The following APLP2 variants were observed in gnomAD, a reference collection of about 807,000 sequenced individuals.
The protein encoded by APLP2 is amyloid beta precursor like protein 2.
A neutral mutation model predicts 89.9 loss-of-function variants in APLP2; 53 were observed. That is an observed-to-expected ratio of 0.59 (90% CI 0.47 to 0.74). APLP2 has a LOEUF of 0.74. Among genes scored for constraint, APLP2 ranks in the 30% least tolerant of loss-of-function variants. The pLI, the probability that APLP2 is intolerant of heterozygous loss-of-function variation, is 0.00. For missense variants in APLP2, 973 were observed against 975.9 expected (o/e 1.00, Z 0.04); for synonymous variants, 372 against 348.6 (o/e 1.07, Z -0.75).
chr11:130,070,559 G>T, intron 1 of APLP2: 1 of 1,290,384 alleles, frequency 7.7e-7, no homozygotes, highest in East Asian at 3.2e-5. Context: ...GCGAGCGGCG[G>T]GCTTCGCCTT....
chr11:130,072,112 C>G (rs1269070178), intron 1 of APLP2, among the ~76,000 whole-genome samples: 1 of 152,156 alleles, frequency 6.6e-6, no homozygotes, highest in Non-Finnish European at 1.5e-5. Context: ...TAATCTCTTA[C>G]ACCTGTTTAA....
intron 16 of APLP2, 50 bp from the exon 17 acceptor site, chr11:130,143,297 G>A: frequency 6.6e-7 from 1 of 1,523,458 alleles, no homozygotes; most frequent in Non-Finnish European, 9.1e-7. Context: ...AGCACCCTGT[G>A]CAGGTCTCTT....
intron 1 of APLP2, among the ~76,000 whole-genome samples, chr11:130,088,712 T>G (rs1651927602): frequency 6.6e-6 from 1 of 152,054 alleles, no homozygotes; most frequent in South Asian, 2.1e-4. Context: ...GTTAAAAACT[T>G]AAGTATCTCA....
chr11:130,131,211 G>T (rs189678200), intron 11 of APLP2, among the ~76,000 whole-genome samples: 1 of 152,156 alleles, frequency 6.6e-6, no homozygotes, highest in Admixed American at 6.5e-5. Flanking sequence ...TGATTCTCTT[G>T]CTTCAGCCTC....
rs559693436 is a variant in APLP2 at position 130,109,686 on chromosome 11, A to G, written c.279+84A>G. 4.2e-6 allele frequency: 6 copies of G among 1,441,848 alleles called. No homozygotes were observed. The South Asian group carries it at 8.4e-5, about 20-fold the overall frequency. The allele number at this position is 1,441,848 out of a possible 1,614,324, so 89.3% of individuals were successfully genotyped here. On this transcript the variant is annotated intron_variant, in intron 2 of 16. Coordinates refer to ENST00000338167, the MANE Select transcript of APLP2 (RefSeq NM_001142276.2). The stretch of plus-strand genomic sequence containing the variant: ...TTACCTTAGAAATAGATATTCTGTC[A>G]TTCTCTTTTGACCTAAGACCAAGAT...
intron 1 of APLP2, among the ~76,000 whole-genome samples, chr11:130,078,201 A>C (rs1020189595): frequency 6.9e-6 from 1 of 145,112 alleles, no homozygotes; most frequent in East Asian, 2.0e-4. Flanking sequence ...AAGTGGAATC[A>C]TTCCGTATAT....
At chr11:130,124,526 A>C (rs1950172684) in intron 7 of APLP2, among the ~76,000 whole-genome samples, 1 of 152,108 alleles carries the variant, frequency 6.6e-6, no homozygotes, top group South Asian at 2.1e-4. Context: ...TCTCGTTAAG[A>C]CCTTCAGTCT....
At chr11:130,099,361 C>T (rs538120237) in intron 1 of APLP2, among the ~76,000 whole-genome samples, 4 of 152,272 alleles carry the variant, frequency 2.6e-5, no homozygotes, top group African/African-American at 9.6e-5. Context: ...GAGTAGCACC[C>T]TATTTATGTT....
intron 11 of APLP2, among the ~76,000 whole-genome samples, chr11:130,130,909 T>G (rs1461973013): frequency 6.6e-6 from 1 of 152,130 alleles, no homozygotes; most frequent in African/African-American, 2.4e-5. Flanking sequence ...GATGAAAAGG[T>G]AATGTGCCTA....
intron 9 of APLP2, among the ~76,000 whole-genome samples, chr11:130,128,176 C>G (rs1950579398): frequency 6.6e-6 from 1 of 152,072 alleles, no homozygotes; most frequent in Non-Finnish European, 1.5e-5. Flanking sequence ...TTTTTTAAGA[C>G]TAATTGAAAG....
In APLP2 at chr11:130,110,593, T is replaced by C. The variant is rs1948424366; in HGVS notation, c.335T>C (p.Ile112Thr). ...NVMEANQRVS[I>T]DNWCRRDKKQ... is the part of the protein sequence containing the mutation. ...ATGGAGGCAAACCAGCGGGTTAGTA[T>C]TGACAACTGGTGCCGGAGGGACAAA... The change falls in exon 3 of 17, where the codon ATT becomes ACT. Residue 112 changes from isoleucine (I) to threonine (T), a missense_variant. Transcript: ENST00000338167. The C allele has an allele frequency of 6.2e-7, 1 of 1,613,878 alleles. No homozygotes were observed. The highest frequency in any genetic ancestry group is 8.5e-7 in the Non-Finnish European group (1 of 1,180,006).
In APLP2 at chr11:130,141,685, C is replaced by T. The variant is rs1952414034; in HGVS notation, c.1998+113C>T. 5.9e-6 allele frequency: 6 copies of T among 1,008,728 alleles called. No homozygotes were observed. The highest frequency in any genetic ancestry group is 7.4e-6 in the Non-Finnish European group (5 of 677,504). 62.5% of individuals were successfully genotyped at this position (1,008,728 alleles called of 1,614,324 possible). ...GAGATGCCTGAGCTAATAAGGGTCC[C>T]TCATCCCCAGCTTTCCGTACTTTTG... On this transcript the variant is annotated intron_variant, in intron 15 of 16. Transcript: ENST00000338167. This position sits in a 1 kb window ranked among gnomAD's most constrained non-coding sequence, Gnocchi z 4.2.
intron 2 of APLP2, 68 bp downstream of exon 2, chr11:130,109,670 A>C (rs1948292790): frequency 6.7e-6 from 10 of 1,487,074 alleles, no homozygotes; most frequent in Non-Finnish European, 9.1e-6. Flanking sequence ...TTTACCTTAG[A>C]AATAGATATT....
intron 1 of APLP2, among the ~76,000 whole-genome samples, chr11:130,094,119 T>C (rs1945866984): frequency 6.8e-6 from 1 of 146,794 alleles, no homozygotes; most frequent in Admixed American, 7.0e-5. Flanking sequence ...AATGGGGCGA[T>C]CTTGGCTCAC....
intron 13 of APLP2, chr11:130,138,878 C>T (rs1293176280): frequency 5.3e-5 from 8 of 151,630 alleles, no homozygotes; most frequent in African/African-American, 1.9e-4. Flanking sequence ...GGATTATAGG[C>T]ATGAGCCACT....
chr11:130,101,753 G>T (rs1205424525), intron 1 of APLP2, among the ~76,000 whole-genome samples: 22 of 152,178 alleles, frequency 1.4e-4, no homozygotes, highest in Non-Finnish European at 2.9e-5. Context: ...TTGACATCTT[G>T]CATAACTCGT....
At position 130,142,460 on chromosome 11, in the gene APLP2, T is replaced by C. The variant is rs566079314; in HGVS notation, c.2154+386T>C. Among the ~76,000 whole-genome samples the C allele has an allele frequency of 1.7e-3, 260 of 152,308 alleles. 1 individual carries two copies. Among genetic ancestry groups the C allele is most frequent in the African/African-American group, 6.0e-3 (251 of 41,568 alleles). ...AGACTGTTTCTGTTCTGTCTTCTGC[T>C]GGTTACTGAACTTGTCTTGCCACTC... On this transcript the variant is annotated intron_variant, in intron 16 of 16. Coordinates refer to ENST00000338167, the MANE Select transcript of APLP2 (RefSeq NM_001142276.2).
chr11:130,082,118 T>G (rs1198551023), intron 1 of APLP2, among the ~76,000 whole-genome samples: 1 of 152,236 alleles, frequency 6.6e-6, no homozygotes, highest in Non-Finnish European at 1.5e-5. Flanking sequence ...TCAACACTTT[T>G]CCAGTCTTCT....
intron 1 of APLP2, among the ~76,000 whole-genome samples, chr11:130,079,912 A>G (rs902683309): frequency 1.3e-5 from 2 of 152,230 alleles, no homozygotes; most frequent in South Asian, 2.1e-4. Context: ...AAGTTTGCCA[A>G]AGATTCTTGT....
Sources: gnomAD v4.1 joint callset for allele counts (sites outside exome capture counted in the v4.1 genomes callset) on GRCh38, gnomAD v4.1.1 for gene constraint, Gnocchi (gnomAD v3.1) non-coding constraint, MANE v1.5 for transcripts, NCBI Gene and HGNC (gene_info 2026-07-23, HGNC 2026-07-21) for gene names.